ASCC3: variants seen among roughly 807,000 people sequenced by gnomAD.
ASCC3 encodes the protein activating signal cointegrator 1 complex subunit 3.
In ASCC3, 158 loss-of-function variants were observed where a neutral mutation model predicts 256.3. The observed-to-expected ratio is 0.62, with a 90% CI of 0.54 to 0.70. ASCC3 has a LOEUF of 0.70. Ranked by LOEUF, ASCC3 falls within the 30% of genes least tolerant of loss-of-function variation. ASCC3 has a pLI of 0.00. For missense variants in ASCC3, 2,259 were observed against 2,626.0 expected, an observed-to-expected ratio of 0.86 and a Z score of 3.05; for synonymous variants, 948 against 883.4, an observed-to-expected ratio of 1.07 and a Z score of -1.30.
At chr6:100,566,584 C>T (rs1382292604) in intron 36 of ASCC3, among the ~76,000 whole-genome samples, 8 of 152,162 alleles carry the variant, frequency 5.3e-5, no homozygotes, top group Non-Finnish European at 1.0e-4. Context: ...ATCTGTACTT[C>T]AACACTGTAT....
At chr6:100,847,856 CA>C (rs761089255) in intron 4 of ASCC3, 3 of 228,178 alleles carry the variant, frequency 1.3e-5, no homozygotes, top group Non-Finnish European at 2.6e-5. Context: ...TCAATTTGTC[CA>C]GTATTAAAAT....
chr6:100,793,397 G>A (rs1276789940), intron 8 of ASCC3, among the ~76,000 whole-genome samples: 2 of 151,852 alleles, frequency 1.3e-5, no homozygotes, highest in Non-Finnish European at 2.9e-5. Flanking sequence ...AAATTAAAAA[G>A]CCTTTTTCTA....
chr6:100,853,967 A>C (rs1381246057), intron 3 of ASCC3, among the ~76,000 whole-genome samples: 1 of 152,198 alleles, frequency 6.6e-6, no homozygotes, highest in East Asian at 1.9e-4. Flanking sequence ...TGAATATAAA[A>C]TATACCATGT....
At chr6:100,585,555 C>T (rs896070104) in intron 36 of ASCC3, among the ~76,000 whole-genome samples, 8 of 152,120 alleles carry the variant, frequency 5.3e-5, no homozygotes, top group Non-Finnish European at 5.9e-5. Context: ...ATAGTTTGAT[C>T]GTCTGAAGAC....
chr6:100,534,765 G>C (rs1309990809), intron 37 of ASCC3, among the ~76,000 whole-genome samples: 2 of 152,136 alleles, frequency 1.3e-5, no homozygotes, highest in Non-Finnish European at 2.9e-5. Context: ...AATGGGATAG[G>C]AGAAGCAAAG....
intron 13 of ASCC3, among the ~76,000 whole-genome samples, chr6:100,681,981 G>A (rs1313849195): frequency 1.3e-5 from 2 of 152,028 alleles, no homozygotes; most frequent in Admixed American, 1.3e-4. Flanking sequence ...TTAATGCTAA[G>A]ATAGAAAATT....
intron 10 of ASCC3, among the ~76,000 whole-genome samples, chr6:100,730,100 TTTG>T: frequency 6.6e-6 from 1 of 151,756 alleles, no homozygotes; most frequent in South Asian, 2.1e-4. Context: ...AGGTCAGGAG[TTTG>T]ACACCAGCCT....
chr6:100,577,579 T>A lies in ASCC3; in HGVS notation c.5550+12055A>T, dbSNP rs142172279. On this transcript the variant is annotated intron_variant, in intron 36 of 41. Transcript: ENST00000369162. ...AGAATACTATTTCCTGTTTTGTTTT[T>A]AGATATTCTTTTTGATAATGGGCAA... 9.2e-5 allele frequency among the ~76,000 whole-genome samples: 14 copies of A among 152,242 alleles called. No individual in the cohort carries two copies. In the East Asian group the frequency reaches 2.7e-3, roughly 29 times the overall value.
At chr6:100,790,175 C>T (rs1327187270) in intron 8 of ASCC3, among the ~76,000 whole-genome samples, 1 of 151,904 alleles carries the variant, frequency 6.6e-6, no homozygotes, top group Non-Finnish European at 1.5e-5. Flanking sequence ...AAGTATATCA[C>T]AAAAACCACT....
chr6:100,805,232 G>A (rs1770114061), intron 5 of ASCC3, among the ~76,000 whole-genome samples: 1 of 152,056 alleles, frequency 6.6e-6, no homozygotes, highest in Non-Finnish European at 1.5e-5. Context: ...AATGCAGCTG[G>A]AGGCCATTAT....
chr6:100,758,209 G>A (rs1370021550), intron 10 of ASCC3, among the ~76,000 whole-genome samples: 1 of 152,162 alleles, frequency 6.6e-6, no homozygotes, highest in Non-Finnish European at 1.5e-5. Context: ...AGATGACAAA[G>A]ATGTTGGAAT....
rs753340535 is a variant in ASCC3, at chr6:100,540,187, C to T, written c.5751G>A (p.Leu1917=). 3.7e-6 allele frequency: 6 copies of T among 1,613,886 alleles called. No individual in the cohort carries two copies. The Admixed American group carries it at 5.0e-5, about 13-fold the overall frequency. Residue 1917 remains leucine, a synonymous_variant, in exon 37 of 42, where the codon TTG becomes TTA. Coordinates refer to ENST00000369162, the MANE Select transcript of ASCC3 (RefSeq NM_006828.4). Reference sequence around the variant, plus strand: ...CCTGACATACTCTGAGAGCTTGGTCCAAGACTGTTTTGGTATCAGTGTCAT... The same window carrying T: ...CCTGACATACTCTGAGAGCTTGGTCTAAGACTGTTTTGGTATCAGTGTCAT... The part of the protein sequence containing the change: ...PDYDTDTKTV[L]DQALRVCQAM...
chr6:100,732,842 C>T (rs999780600), intron 10 of ASCC3, among the ~76,000 whole-genome samples: 26 of 151,970 alleles, frequency 1.7e-4, no homozygotes, highest in African/African-American at 6.3e-4. Context: ...GTCCACATTA[C>T]TAATATAGCA....
chr6:100,861,630 A>G (rs1773230708), intron 3 of ASCC3, among the ~76,000 whole-genome samples: 1 of 152,146 alleles, frequency 6.6e-6, no homozygotes, highest in South Asian at 2.1e-4. Flanking sequence ...ACTGAAGCAC[A>G]GCATTTAAAA....
At chr6:100,608,149 T>TGTATATATATAA (rs1773069902) in intron 30 of ASCC3, among the ~76,000 whole-genome samples, 1 of 124,568 alleles carries the variant, frequency 8.0e-6, no homozygotes, top group Non-Finnish European at 1.6e-5. Flanking sequence ...TATATATCTA[T>TGTATATATATAA]ATATACATAT....
intron 37 of ASCC3, among the ~76,000 whole-genome samples, chr6:100,531,691 T>C (rs1478979209): frequency 6.6e-6 from 1 of 151,876 alleles, no homozygotes; most frequent in Admixed American, 6.6e-5. Context: ...ACCTGAAAAA[T>C]GTATTGTGTT....
intron 36 of ASCC3, among the ~76,000 whole-genome samples, chr6:100,563,069 T>C (rs1431294484): frequency 6.6e-6 from 1 of 152,082 alleles, no homozygotes; most frequent in Non-Finnish European, 1.5e-5. Context: ...CTTCTTTTCA[T>C]TTTACCACTG....
At chr6:100,562,117 T>C (rs1429332247) in intron 36 of ASCC3, among the ~76,000 whole-genome samples, 1 of 152,132 alleles carries the variant, frequency 6.6e-6, no homozygotes, top group East Asian at 1.9e-4. Flanking sequence ...TTATATTCCA[T>C]TGGACTGTCA....
chr6:100,759,891 C>T (rs760636814), intron 10 of ASCC3, among the ~76,000 whole-genome samples: 6 of 152,032 alleles, frequency 3.9e-5, no homozygotes, highest in Admixed American at 6.5e-5. Flanking sequence ...TAGCTGTATT[C>T]CTAGGTATTT....
Sources: gnomAD v4.1 joint callset for allele counts (sites outside exome capture counted in the v4.1 genomes callset) on GRCh38, gnomAD v4.1.1 for gene constraint, MANE v1.5 for transcripts, NCBI Gene and HGNC (gene_info 2026-07-23, HGNC 2026-07-21) for gene names.